The following ZMAT4 variants were observed in gnomAD, a reference collection of about 807,000 sequenced individuals.
The protein encoded by ZMAT4 is zinc finger matrin-type 4, also known as zinc finger matrin-type protein 4.
ZMAT4 carries 17 observed loss-of-function variants against 28.7 expected under a neutral mutation model. That is an observed-to-expected ratio of 0.59 (90% CI 0.41 to 0.89). The LOEUF (loss-of-function observed/expected upper bound fraction) is 0.89, where lower values mean the gene tolerates loss of function less well. ZMAT4 is among the 40% of genes least tolerant of loss of function. The pLI is 0.00. For missense variants in ZMAT4, 240 were observed against 283.8 expected (o/e 0.85, Z 1.11); for synonymous variants, 117 against 109.2 (o/e 1.07, Z -0.44).
chr8:40,679,548 G>A (rs952109809), intron 4 of ZMAT4, among the ~76,000 whole-genome samples: 2 of 152,132 alleles, frequency 1.3e-5, no homozygotes, highest in Non-Finnish European at 2.9e-5. Context: ...AGGACGGGAA[G>A]GCCCCTTATA....
chr8:40,674,734 C>G lies in ZMAT4; in HGVS notation c.547G>C (p.Gly183Arg). Residue 183 changes from glycine (G) to arginine (R), a missense_variant, in exon 5 of 7, where the codon GGG becomes CGG. Coordinates refer to ENST00000297737, the MANE Select transcript of ZMAT4 (RefSeq NM_024645.3). ...AGTTCCCCCATATCCAGGGTTGTCC[C>G]CAGTTGTTCTAACAAAGCAACTCTT... ...AARVALLEQLGTTLDMGELRG... is the reference protein window; with the variant it reads ...AARVALLEQLRTTLDMGELRG... 6.2e-7 allele frequency: 1 copy of G among 1,613,922 alleles called. No individual in the cohort carries two copies.
At chr8:40,655,695 A>C (rs1223725932) in intron 5 of ZMAT4, among the ~76,000 whole-genome samples, 1 of 152,108 alleles carries the variant, frequency 6.6e-6, no homozygotes, top group Non-Finnish European at 1.5e-5. Context: ...GTGCCATGAC[A>C]ATGCAATAAG....
intron 1 of ZMAT4, among the ~76,000 whole-genome samples, chr8:40,868,654 C>T (rs939337400): frequency 2.6e-5 from 4 of 152,188 alleles, no homozygotes; most frequent in Admixed American, 2.6e-4. Context: ...CCTGACCTGT[C>T]TACTCTCTTC....
At chr8:40,698,905 G>T (rs1810008262) in intron 3 of ZMAT4, among the ~76,000 whole-genome samples, 1 of 152,002 alleles carries the variant, frequency 6.6e-6, no homozygotes, top group East Asian at 1.9e-4. Flanking sequence ...TTTCCCAATA[G>T]GTCCTCTCCT....
chr8:40,872,240 C>T (rs1398605036), intron 1 of ZMAT4, among the ~76,000 whole-genome samples: 1 of 152,218 alleles, frequency 6.6e-6, no homozygotes, highest in Non-Finnish European at 1.5e-5. Context: ...GCAGGCAAGC[C>T]TCTGCTCCAG....
intron 6 of ZMAT4, among the ~76,000 whole-genome samples, chr8:40,538,570 C>T (rs1455581530): frequency 1.3e-5 from 2 of 152,102 alleles, no homozygotes; most frequent in South Asian, 2.1e-4. Flanking sequence ...CTCTTTTTGT[C>T]GACGACAACA....
chr8:40,815,105 T>C (rs758476534), intron 2 of ZMAT4, among the ~76,000 whole-genome samples: 3 of 152,088 alleles, frequency 2.0e-5, no homozygotes, highest in Non-Finnish European at 4.4e-5. Flanking sequence ...TGAAACCCTG[T>C]CGCTATTAAA....
chr8:40,713,654 A>T (rs896832204), intron 3 of ZMAT4, among the ~76,000 whole-genome samples: 2 of 152,120 alleles, frequency 1.3e-5, no homozygotes, highest in Admixed American at 1.3e-4. Context: ...CTTGTCCCTA[A>T]TCCCAGCACT....
intron 5 of ZMAT4, among the ~76,000 whole-genome samples, chr8:40,673,996 AGT>A (rs1808798074): frequency 2.7e-5 from 4 of 149,758 alleles, no homozygotes; most frequent in Non-Finnish European, 4.4e-5. Context: ...CATTAAATTG[AGT>A]CAATTTGTTG....
chr8:40,769,155 ATGTGTAAAAGTAC>A (rs1485760384), intron 2 of ZMAT4, among the ~76,000 whole-genome samples: 1 of 152,242 alleles, frequency 6.6e-6, no homozygotes, highest in Non-Finnish European at 1.5e-5. Context: ...ATTTTTACAA[ATGTGTAAAAGTAC>A]TGAAATGTGA....
At chr8:40,581,059 A>G in intron 6 of ZMAT4, 106 bp downstream of exon 6, 1 of 882,010 alleles carries the variant, frequency 1.1e-6, no homozygotes, top group South Asian at 1.7e-5. Flanking sequence ...AAAGAGATGT[A>G]ATTTCCACTC....
At chr8:40,770,543 T>TCC (rs1813346223) in intron 2 of ZMAT4, among the ~76,000 whole-genome samples, 1 of 115,026 alleles carries the variant, frequency 8.7e-6, no homozygotes, top group Non-Finnish European at 1.8e-5. Context: ...TCTTTCTTTC[T>TCC]CTCTCATTTT....
chr8:40,705,477 C>T (rs1006695438), intron 3 of ZMAT4, among the ~76,000 whole-genome samples: 2 of 152,138 alleles, frequency 1.3e-5, no homozygotes, highest in Non-Finnish European at 2.9e-5. Flanking sequence ...ATATTGTACA[C>T]TCAGTATCTA....
chr8:40,699,722 T>A (rs1457365262), intron 3 of ZMAT4, among the ~76,000 whole-genome samples: 1 of 152,228 alleles, frequency 6.6e-6, no homozygotes, highest in East Asian at 1.9e-4. Flanking sequence ...AATTATACCA[T>A]TTTTTTAACT....
At chr8:40,616,234 A>G (rs1806001933) in intron 5 of ZMAT4, among the ~76,000 whole-genome samples, 1 of 152,184 alleles carries the variant, frequency 6.6e-6, no homozygotes, top group African/African-American at 2.4e-5. Flanking sequence ...AAGTCAGGAA[A>G]CAACAGTGCT....
At chr8:40,611,130 C>A (rs1044579908) in intron 5 of ZMAT4, among the ~76,000 whole-genome samples, 1 of 152,086 alleles carries the variant, frequency 6.6e-6, no homozygotes, top group African/African-American at 2.4e-5. Flanking sequence ...TTTTAATGGA[C>A]TATGCAATAG....
intron 6 of ZMAT4, among the ~76,000 whole-genome samples, chr8:40,566,271 A>C (rs562903490): frequency 2.6e-5 from 4 of 152,180 alleles, no homozygotes; most frequent in Admixed American, 6.5e-5. Context: ...CAAAAGGTTG[A>C]CTAGTTATTT....
At chr8:40,565,994 TA>T (rs1803913042) in intron 6 of ZMAT4, among the ~76,000 whole-genome samples, 1 of 152,154 alleles carries the variant, frequency 6.6e-6, no homozygotes, top group Admixed American at 6.6e-5. Context: ...CTTTAGGGTT[TA>T]GGCGTTTTAA....
chr8:40,798,667 G>A (rs1814692872), intron 2 of ZMAT4, among the ~76,000 whole-genome samples: 1 of 152,128 alleles, frequency 6.6e-6, no homozygotes, highest in Non-Finnish European at 1.5e-5. Flanking sequence ...TTGACAAAGT[G>A]GATAATTCTT....
Sources: allele counts gnomAD v4.1 joint callset (sites outside exome capture counted in the v4.1 genomes callset), GRCh38; gene constraint gnomAD v4.1.1; transcripts MANE v1.5; gene names NCBI Gene and HGNC (gene_info 2026-07-23, HGNC 2026-07-21).